ITGBL1: variants seen among roughly 807,000 people sequenced by gnomAD.
ITGBL1 encodes the protein integrin subunit beta like 1.
A neutral mutation model predicts 68.5 loss-of-function variants in ITGBL1; 51 were observed. That is an observed-to-expected ratio of 0.74 (90% CI 0.59 to 0.94). ITGBL1 has a LOEUF of 0.94. ITGBL1 is among the 40% of genes least tolerant of loss of function. The pLI is 0.00. For missense variants in ITGBL1, 649 were observed against 647.4 expected (o/e 1.00, Z -0.03); for synonymous variants, 209 against 227.3 (o/e 0.92, Z 0.72).
chr13:101,594,603 C>T (rs926302089), intron 6 of ITGBL1, among the ~76,000 whole-genome samples: 2 of 151,940 alleles, frequency 1.3e-5, no homozygotes, highest in East Asian at 1.9e-4. Flanking sequence ...TGAACTAAAA[C>T]GTTTCTACAG....
chr13:101,569,131 C>T (rs775617578), intron 3 of ITGBL1, among the ~76,000 whole-genome samples: 6 of 152,072 alleles, frequency 3.9e-5, no homozygotes, highest in Non-Finnish European at 5.9e-5. Flanking sequence ...CGCGCACGCG[C>T]GCGCATGCCC....
At chr13:101,609,506 A>G (rs1035527829) in intron 7 of ITGBL1, among the ~76,000 whole-genome samples, 1 of 152,130 alleles carries the variant, frequency 6.6e-6, no homozygotes, top group Non-Finnish European at 1.5e-5. Flanking sequence ...AGAAATTATT[A>G]AAGGGAATGG....
chr13:101,591,688 A>G (rs772411772), intron 6 of ITGBL1, among the ~76,000 whole-genome samples: 24 of 152,230 alleles, frequency 1.6e-4, no homozygotes, highest in Non-Finnish European at 3.4e-4. Flanking sequence ...CAATTTTCAT[A>G]TTGGATGATA....
chr13:101,457,414 T>C (rs934792628), intron 2 of ITGBL1, among the ~76,000 whole-genome samples: 4 of 152,196 alleles, frequency 2.6e-5, no homozygotes, highest in South Asian at 2.1e-4. Context: ...GTTAAGTCCA[T>C]TGGGATTATT....
chr13:101,536,665 G>T (rs973560655), intron 2 of ITGBL1, among the ~76,000 whole-genome samples: 1 of 151,924 alleles, frequency 6.6e-6, no homozygotes, highest in Non-Finnish European at 1.5e-5. Context: ...GGTACAATAT[G>T]TATTCCTTTC....
At position 101,542,703 on chromosome 13, in the gene ITGBL1, A is replaced by G. The variant is rs186716346; in HGVS notation, c.317-24996A>G. On this transcript the variant is annotated intron_variant, in intron 2 of 10. Coordinates refer to ENST00000376180, the MANE Select transcript of ITGBL1 (RefSeq NM_004791.3). ...TGTGTGGGAGTCTAAGTTTCTTTGT[A>G]GGTCTCTAAGGACTTGCTTTATGAA... 1.4e-3 allele frequency among the ~76,000 whole-genome samples: 220 copies of G among 152,300 alleles called. 1 individual carries two copies. The highest frequency in any genetic ancestry group is 4.7e-3 in the African/African-American group (195 of 41,562).
intron 7 of ITGBL1, among the ~76,000 whole-genome samples, chr13:101,687,389 G>C (rs991461692): frequency 6.6e-6 from 1 of 151,926 alleles, no homozygotes; most frequent in Non-Finnish European, 1.5e-5. Context: ...ATATCTTAAT[G>C]ATTGTGGGAA....
chr13:101,583,048 C>G (rs180689407), intron 5 of ITGBL1, among the ~76,000 whole-genome samples, 168 bp from the exon 6 acceptor site: 2 of 152,118 alleles, frequency 1.3e-5, no homozygotes, highest in East Asian at 3.9e-4. Flanking sequence ...ATTAAGGAAT[C>G]TCTATTATCA....
intron 2 of ITGBL1, among the ~76,000 whole-genome samples, chr13:101,560,450 T>C (rs1358121299): frequency 6.6e-6 from 1 of 152,144 alleles, no homozygotes; most frequent in Non-Finnish European, 1.5e-5. Flanking sequence ...ACAGAGAGAA[T>C]AAATTTTTAA....
chr13:101,545,699 TA>T (rs940037406), intron 2 of ITGBL1, among the ~76,000 whole-genome samples: 5 of 151,888 alleles, frequency 3.3e-5, no homozygotes, highest in African/African-American at 9.7e-5. Context: ...ATATAAACAA[TA>T]AAAAAAGTCA....
At chr13:101,555,302 G>A (rs1237301627) in intron 2 of ITGBL1, among the ~76,000 whole-genome samples, 1 of 151,908 alleles carries the variant, frequency 6.6e-6, no homozygotes, top group Non-Finnish European at 1.5e-5. Context: ...AATATGTTGT[G>A]CACATAAAAT....
At chr13:101,467,414 T>C (rs2048397142) in intron 2 of ITGBL1, among the ~76,000 whole-genome samples, 1 of 152,178 alleles carries the variant, frequency 6.6e-6, no homozygotes, top group Admixed American at 6.5e-5. Context: ...CAGGGCGTTT[T>C]TGGGACTCTA....
At chr13:101,596,956 G>T (rs1482532969) in intron 6 of ITGBL1, among the ~76,000 whole-genome samples, 2 of 152,114 alleles carry the variant, frequency 1.3e-5, no homozygotes, top group Non-Finnish European at 2.9e-5. Flanking sequence ...ATCACAGAGG[G>T]TTTTCAGGGC....
intron 2 of ITGBL1, among the ~76,000 whole-genome samples, chr13:101,540,876 A>T (rs2049684526): frequency 7.0e-6 from 1 of 142,796 alleles, no homozygotes; most frequent in African/African-American, 2.6e-5. Context: ...GGTGTATAAG[A>T]ATGCTTGTGA....
chr13:101,629,811 C>T (rs1349261265), intron 7 of ITGBL1, among the ~76,000 whole-genome samples: 1 of 151,894 alleles, frequency 6.6e-6, no homozygotes, highest in Admixed American at 6.6e-5. Flanking sequence ...ATATTTTGAG[C>T]CCATTTATTT....
chr13:101,588,298 T>TGTGTGTGTGG (rs1491144039), intron 6 of ITGBL1, among the ~76,000 whole-genome samples: 1 of 2,060 alleles, frequency 4.9e-4, no homozygotes, highest in African/African-American at 6.0e-4. Context: ...ATTCTTCCAT[T>TGTGTGTGTGG]GTGTGTGTGT....
chr13:101,611,865 A>AAG (rs1262845279), intron 7 of ITGBL1, among the ~76,000 whole-genome samples: 3 of 152,180 alleles, frequency 2.0e-5, no homozygotes, highest in Non-Finnish European at 4.4e-5. Flanking sequence ...CCTTCATAGC[A>AAG]GACTTTGTGT....
intron 2 of ITGBL1, among the ~76,000 whole-genome samples, chr13:101,464,682 T>A (rs1293430316): frequency 6.6e-6 from 1 of 152,160 alleles, no homozygotes; most frequent in Non-Finnish European, 1.5e-5. Context: ...TACACATATT[T>A]ATATATGTAT....
At chr13:101,715,371 C>T in intron 10 of ITGBL1, 192 bp from the exon 11 acceptor site, 1 of 574,246 alleles carries the variant, frequency 1.7e-6, no homozygotes, top group South Asian at 2.1e-5. Flanking sequence ...AAATAAATGC[C>T]ACTAATTGTT....
Sources: allele counts gnomAD v4.1 joint callset (sites outside exome capture counted in the v4.1 genomes callset), GRCh38; gene constraint gnomAD v4.1.1; transcripts MANE v1.5; gene names NCBI Gene and HGNC (gene_info 2026-07-23, HGNC 2026-07-21).